The following KCTD8 variants were observed in gnomAD, a reference collection of about 807,000 sequenced individuals.
KCTD8 encodes the protein BTB/POZ domain-containing protein KCTD8.
KCTD8 carries 27 observed loss-of-function variants against 31.5 expected under a neutral mutation model. The ratio of observed to expected loss-of-function variants is 0.86; its 90% CI spans 0.63 to 1.18. The LOEUF (loss-of-function observed/expected upper bound fraction) is 1.18, where lower values mean the gene tolerates loss of function less well. KCTD8 is among the 50% of genes most tolerant of loss of function. The probability of loss-of-function intolerance (pLI) is 0.00; values close to 1 mark genes in which losing one functional copy is unlikely to be tolerated. For missense variants in KCTD8, 658 were observed against 647.7 expected (o/e 1.02, Z -0.17); for synonymous variants, 290 against 280.0 (o/e 1.04, Z -0.36).
At chr4:44,397,272 T>G (rs932465577) in intron 1 of KCTD8, among the ~76,000 whole-genome samples, 1 of 152,122 alleles carries the variant, frequency 6.6e-6, no homozygotes, top group Admixed American at 6.6e-5. Context: ...ATTAGTGAAA[T>G]CAGTGTTATT....
chr4:44,337,274 C>T (rs1381165120), intron 1 of KCTD8, among the ~76,000 whole-genome samples: 1 of 151,778 alleles, frequency 6.6e-6, no homozygotes, highest in African/African-American at 2.4e-5. Context: ...AATGGTCAAA[C>T]CTATGAAAAA....
At chr4:44,228,332 G>A (rs908573649) in intron 1 of KCTD8, among the ~76,000 whole-genome samples, 2 of 151,916 alleles carry the variant, frequency 1.3e-5, no homozygotes, top group African/African-American at 4.8e-5. Flanking sequence ...CCTCTTATTA[G>A]GACGTAAGTC....
At chr4:44,440,263 G>A (rs1224470723) in intron 1 of KCTD8, among the ~76,000 whole-genome samples, 1 of 152,034 alleles carries the variant, frequency 6.6e-6, no homozygotes, top group East Asian at 1.9e-4. Flanking sequence ...AAAGAAGTGT[G>A]TGTGTGCACC....
intron 1 of KCTD8, among the ~76,000 whole-genome samples, chr4:44,385,650 T>C (rs1019109772): frequency 1.2e-4 from 18 of 151,638 alleles, no homozygotes; most frequent in African/African-American, 4.1e-4. Context: ...AATGATTTCA[T>C]GGATGTGGCA....
intron 1 of KCTD8, among the ~76,000 whole-genome samples, chr4:44,222,374 A>G (rs1462389977): frequency 5.9e-5 from 9 of 152,198 alleles, no homozygotes; most frequent in Non-Finnish European, 1.3e-4. Context: ...CAAAGAGACT[A>G]CTGAAATCAT....
intron 1 of KCTD8, among the ~76,000 whole-genome samples, chr4:44,361,016 A>G (rs1390629788): frequency 6.6e-6 from 1 of 152,044 alleles, no homozygotes; most frequent in Non-Finnish European, 1.5e-5. Flanking sequence ...CCATCATTAA[A>G]AGTCTTCATA....
At chr4:44,293,973 C>T (rs544738919) in intron 1 of KCTD8, 3 of 276,646 alleles carry the variant, frequency 1.1e-5, no homozygotes, top group Non-Finnish European at 2.2e-5. Context: ...TTTAACATCA[C>T]TAATAATAAA....
At chr4:44,402,954 T>C (rs375734442) in intron 1 of KCTD8, among the ~76,000 whole-genome samples, 8 of 152,320 alleles carry the variant, frequency 5.3e-5, no homozygotes, top group East Asian at 1.9e-4. Flanking sequence ...ATGATATAAA[T>C]GTGCCCCTTG....
intron 1 of KCTD8, among the ~76,000 whole-genome samples, chr4:44,216,571 G>A (rs1184557483): frequency 6.6e-6 from 1 of 152,134 alleles, no homozygotes; most frequent in African/African-American, 2.4e-5. Context: ...GTGGGAAGAT[G>A]AAAACCATAC....
intron 1 of KCTD8, among the ~76,000 whole-genome samples, chr4:44,331,812 A>C (rs1393375836): frequency 2.0e-5 from 3 of 149,496 alleles, no homozygotes; most frequent in Non-Finnish European, 4.5e-5. Context: ...GTATATATAT[A>C]TAAATTCATA....
At chr4:44,367,143 C>T (rs1001335811) in intron 1 of KCTD8, among the ~76,000 whole-genome samples, 1 of 152,036 alleles carries the variant, frequency 6.6e-6, no homozygotes, top group Non-Finnish European at 1.5e-5. Context: ...TCCACTTCCC[C>T]TTCCCCTAGT....
intron 1 of KCTD8, among the ~76,000 whole-genome samples, chr4:44,346,739 C>G (rs1204371526): frequency 2.0e-5 from 3 of 152,142 alleles, no homozygotes; most frequent in Admixed American, 1.3e-4. Flanking sequence ...CAAGTCACCA[C>G]AAGCTGACAC....
At chr4:44,343,620 A>G (rs1718962848) in intron 1 of KCTD8, among the ~76,000 whole-genome samples, 1 of 152,202 alleles carries the variant, frequency 6.6e-6, no homozygotes, top group South Asian at 2.1e-4. Context: ...AAGTACAATA[A>G]AGTGAAGTCC....
chr4:44,222,740 C>T (rs374764692), intron 1 of KCTD8, among the ~76,000 whole-genome samples: 8 of 152,046 alleles, frequency 5.3e-5, no homozygotes, highest in South Asian at 4.1e-4. Flanking sequence ...TTGGACCAAG[C>T]GCAAAGACAC....
Position 44,447,825 on chromosome 4 carries a change from C to A in KCTD8, c.699G>T (p.Ala233=). Residue 233 remains alanine (A), a synonymous_variant, in exon 1 of 2, where the codon GCG becomes GCT. Transcript: ENST00000360029. ...NQADAKFRRV[A]RIMVCGRIAL... is the part of the protein sequence containing the mutation. ...CGATGCGCCCGCACACCATGATGCG[C>A]GCCACACGCCGGAATTTGGCGTCGG... 1 of 1,597,498 alleles carries A rather than the reference C, an allele frequency of 6.3e-7. No individual in the cohort carries two copies. The highest frequency in any genetic ancestry group is 8.5e-7 in the Non-Finnish European group (1 of 1,170,350).
intron 1 of KCTD8, among the ~76,000 whole-genome samples, chr4:44,302,433 C>T (rs537040914): frequency 3.2e-4 from 48 of 152,240 alleles, no homozygotes; most frequent in African/African-American, 9.4e-4. Context: ...AGGTCCTTCA[C>T]GTCCCTTTTA....
intron 1 of KCTD8, among the ~76,000 whole-genome samples, chr4:44,315,322 CT>C (rs1382049117): frequency 1.3e-5 from 2 of 152,052 alleles, no homozygotes; most frequent in East Asian, 3.9e-4. Context: ...GGGCTTATAA[CT>C]TTTACATTCT....
Position 44,448,110 on chromosome 4 carries a change from C to T in KCTD8, c.414G>A (p.Gln138=). 8 of 1,612,684 alleles carry T rather than the reference C, an allele frequency of 5.0e-6. No homozygotes were observed. Among genetic ancestry groups the T allele is most frequent in the Non-Finnish European group, 6.8e-6 (8 of 1,179,882 alleles). The change falls in exon 1 of 2, where the codon CAG becomes CAA. Residue 138 remains glutamine, a synonymous_variant. Transcript: ENST00000360029. This position sits in a 1 kb window ranked among gnomAD's most constrained non-coding sequence, Gnocchi z 4.1. ...ACAGCAGCTTGACCAAGTCGGTGAG[C>T]TGGAAATACTCGGCCTCGCGCAGCA... is the stretch of plus-strand genomic sequence containing the variant. ...ERLLREAEYF[Q]LTDLVKLLSP...
intron 1 of KCTD8, among the ~76,000 whole-genome samples, chr4:44,366,981 C>A (rs902000283): frequency 4.7e-4 from 71 of 152,114 alleles, no homozygotes; most frequent in African/African-American, 1.7e-3. Context: ...TTTTAAAGCC[C>A]TGCATGAGTG....
Sources: gnomAD v4.1 joint callset for allele counts (sites outside exome capture counted in the v4.1 genomes callset) on GRCh38, gnomAD v4.1.1 for gene constraint, Gnocchi (gnomAD v3.1) non-coding constraint, MANE v1.5 for transcripts, NCBI Gene and HGNC (gene_info 2026-07-23, HGNC 2026-07-21) for gene names.